RPTOR: variants seen among roughly 807,000 people sequenced by gnomAD.
RPTOR encodes the protein regulatory-associated protein of mTOR.
In RPTOR, 21 loss-of-function variants were observed where a neutral mutation model predicts 169.9. The ratio of observed to expected loss-of-function variants is 0.12; its 90% confidence interval spans 0.09 to 0.18. RPTOR has a LOEUF of 0.18. RPTOR is among the 10% of genes least tolerant of loss of function. The probability of loss-of-function intolerance (pLI) is 1.00; values close to 1 mark genes in which losing one functional copy is unlikely to be tolerated. For synonymous variants in RPTOR, 732 were observed against 753.2 expected (o/e 0.97, Z 0.46); for missense variants, 1,133 against 1,855.9 (o/e 0.61, Z 7.16).
chr17:80,836,078 C>T (rs2067560454), intron 9 of RPTOR, among the ~76,000 whole-genome samples: 1 of 152,244 alleles, frequency 6.6e-6, no homozygotes, highest in East Asian at 1.9e-4. Flanking sequence ...AGCCACGCGC[C>T]CAGAGCCCCA....
At chr17:80,886,994 C>T (rs932716703) in intron 17 of RPTOR, among the ~76,000 whole-genome samples, 2 of 152,034 alleles carry the variant, frequency 1.3e-5, no homozygotes, top group Non-Finnish European at 1.5e-5. Flanking sequence ...TGCATCGGAG[C>T]GGGAAGGGTG....
intron 1 of RPTOR, among the ~76,000 whole-genome samples, chr17:80,619,422 A>G (rs1410647196): frequency 1.3e-5 from 2 of 152,196 alleles, no homozygotes; most frequent in African/African-American, 4.8e-5. Context: ...GATTTTATCC[A>G]ATCAGTTATG....
chr17:80,822,327 A>T, intron 8 of RPTOR, 26 bp downstream of exon 8: 1 of 1,609,596 alleles, frequency 6.2e-7, no homozygotes, highest in Non-Finnish European at 8.5e-7. Flanking sequence ...GGCCTTGGGG[A>T]GGGAGGCTAT....
intron 1 of RPTOR, among the ~76,000 whole-genome samples, chr17:80,575,224 T>C (rs1736094200): frequency 6.7e-6 from 1 of 149,690 alleles, no homozygotes; most frequent in South Asian, 2.1e-4. Context: ...AGGCTGGTCT[T>C]GAATCCTGGC....
At chr17:80,951,315 A>T (rs948412460) in intron 28 of RPTOR, among the ~76,000 whole-genome samples, 1 of 152,208 alleles carries the variant, frequency 6.6e-6, no homozygotes, top group African/African-American at 2.4e-5. Context: ...CCGGGTCAGG[A>T]TGGCAGTGCC....
intron 5 of RPTOR, among the ~76,000 whole-genome samples, chr17:80,735,753 G>A (rs1317956334): frequency 6.6e-6 from 1 of 152,134 alleles, no homozygotes; most frequent in East Asian, 1.9e-4. Context: ...GTCTTGTTCT[G>A]CACATAGCCA....
chr17:80,853,686 G>A (rs1321014387), intron 11 of RPTOR, among the ~76,000 whole-genome samples: 3 of 152,214 alleles, frequency 2.0e-5, no homozygotes, highest in African/African-American at 7.2e-5. Flanking sequence ...GCCATTAAAA[G>A]TGTAAAGCTT....
chr17:80,774,363 A>G (rs1164346132), intron 6 of RPTOR: 1 of 984,744 alleles, frequency 1.0e-6, no homozygotes, highest in African/African-American at 1.7e-5. Flanking sequence ...ATATTTCACA[A>G]TCCACAGAGT....
rs147585494 is a variant in RPTOR, at chr17:80,697,335, G to A, written c.349-10506G>A. Among the ~76,000 whole-genome samples the A allele has an allele frequency of 1.4e-3, 216 of 152,334 alleles. 1 individual carries two copies. The highest frequency in any genetic ancestry group is 5.1e-3 in the African/African-American group (210 of 41,568). ...ATTCAGAAAGAATCAATTGGGAAAG[G>A]GTGGGCAAACGGGAATAGGAGTTTT... is the stretch of plus-strand genomic sequence containing the variant. On this transcript the variant is annotated intron_variant, in intron 3 of 33. Coordinates refer to ENST00000306801, the MANE Select transcript of RPTOR (RefSeq NM_020761.3).
intron 6 of RPTOR, among the ~76,000 whole-genome samples, chr17:80,764,799 T>G (rs1281190591): frequency 6.6e-6 from 1 of 152,204 alleles, no homozygotes; most frequent in Non-Finnish European, 1.5e-5. Context: ...GTGTTCCTGT[T>G]TCTCCACATC....
chr17:80,579,868 A>T (rs1385805798), intron 1 of RPTOR, among the ~76,000 whole-genome samples: 2 of 152,090 alleles, frequency 1.3e-5, no homozygotes, highest in African/African-American at 4.8e-5. Flanking sequence ...TCCTCTTTAT[A>T]CTTCTCATTC....
At chr17:80,689,447 T>C (rs1415621725) in intron 3 of RPTOR, among the ~76,000 whole-genome samples, 4 of 152,248 alleles carry the variant, frequency 2.6e-5, no homozygotes, top group African/African-American at 9.6e-5. Context: ...CAGTGAGGCC[T>C]CGTCTTACGC....
At chr17:80,550,121 C>G (rs567103971) in intron 1 of RPTOR, among the ~76,000 whole-genome samples, 1 of 152,332 alleles carries the variant, frequency 6.6e-6, no homozygotes, top group East Asian at 1.9e-4. Context: ...ACACTACCCC[C>G]TCTGCTTTCC....
Position 80,957,834 on chromosome 17 carries a change from C to A in RPTOR, c.3477+104C>A. On this transcript the variant is annotated intron_variant, in intron 29 of 33. Coordinates refer to ENST00000306801, the MANE Select transcript of RPTOR (RefSeq NM_020761.3). The surrounding 1 kb of genome is among the most constrained non-coding windows in gnomAD (Gnocchi z 4.6). ...AAAGTGTGCGGTGAGGCCTGGCCAT[C>A]CCAGGGGTGGAGTCAGGGCCTGGGA... The A allele has an allele frequency of 9.6e-7, 1 of 1,042,484 alleles. No homozygotes were observed. Among genetic ancestry groups the A allele is most frequent in the Non-Finnish European group, 1.5e-6 (1 of 685,162 alleles). The allele number at this position is 1,042,484 out of a possible 1,614,324, so 64.6% of individuals were successfully genotyped here.
At chr17:80,587,236 T>C (rs1777882293) in intron 1 of RPTOR, among the ~76,000 whole-genome samples, 1 of 152,272 alleles carries the variant, frequency 6.6e-6, no homozygotes, top group Non-Finnish European at 1.5e-5. Flanking sequence ...ATCAACTGTT[T>C]GTGCATCCCC....
At chr17:80,632,082 C>A (rs1347800086) in intron 2 of RPTOR, among the ~76,000 whole-genome samples, 2 of 152,150 alleles carry the variant, frequency 1.3e-5, no homozygotes, top group African/African-American at 4.8e-5. Flanking sequence ...CTGCTTGTCC[C>A]CCACACCCCA....
intron 4 of RPTOR, among the ~76,000 whole-genome samples, chr17:80,724,651 C>CA (rs962584507): frequency 1.3e-5 from 2 of 152,176 alleles, no homozygotes; most frequent in Admixed American, 1.3e-4. Flanking sequence ...CCAGGCTCAT[C>CA]ACATCTACCT....
rs553738325 is a variant in RPTOR at position 80,748,675 on chromosome 17, G to A, written c.655-5335G>A. ...CCTGTTGGGTGGATGGAGGGACTGC[G>A]GTGTGTGTTTAGAGGCTGTGGCGGG... On this transcript the variant is annotated intron_variant, in intron 5 of 33. Coordinates refer to ENST00000306801, the MANE Select transcript of RPTOR (RefSeq NM_020761.3). Among the ~76,000 whole-genome samples the A allele has an allele frequency of 3.0e-4, 30 of 99,460 alleles. 1 individual carries two copies. The highest frequency in any genetic ancestry group is 1.0e-4 in the Non-Finnish European group (5 of 49,308). 65.2% of individuals were successfully genotyped at this position (99,460 alleles called of 152,430 possible).
intron 5 of RPTOR, among the ~76,000 whole-genome samples, chr17:80,741,600 G>A (rs898600570): frequency 3.9e-5 from 6 of 152,198 alleles, no homozygotes; most frequent in Non-Finnish European, 7.3e-5. Context: ...CTCAGGCAAT[G>A]TGGGGTGTGG....
Sources: allele counts gnomAD v4.1 joint callset (sites outside exome capture counted in the v4.1 genomes callset), GRCh38; gene constraint gnomAD v4.1.1; non-coding constraint Gnocchi (gnomAD v3.1); transcripts MANE v1.5; gene names NCBI Gene and HGNC (gene_info 2026-07-23, HGNC 2026-07-21).